Variants in CCDC30 observed in about 807,000 individuals in gnomAD.
CCDC30 encodes the protein coiled-coil domain-containing protein 30.
In CCDC30, 70 loss-of-function variants were observed where a neutral mutation model predicts 100.2. The ratio of observed to expected loss-of-function variants is 0.70; its 90% CI spans 0.58 to 0.85. CCDC30 has a LOEUF of 0.85. Among genes scored for constraint, CCDC30 ranks in the 40% least tolerant of loss-of-function variants. CCDC30 has a pLI of 0.00. For missense variants in CCDC30, 652 were observed against 771.2 expected, an observed-to-expected ratio of 0.85 and a Z score of 1.83; for synonymous variants, 233 against 269.5, an observed-to-expected ratio of 0.86 and a Z score of 1.33.
At chr1:42,517,405 A>G (rs762247966) in intron 6 of CCDC30, among the ~76,000 whole-genome samples, 1 of 152,152 alleles carries the variant, frequency 6.6e-6, no homozygotes, top group Non-Finnish European at 1.5e-5. Context: ...TCCATATTCA[A>G]AAGTTTTTAG....
chr1:42,456,708 C>T, the CCDC30 span: 1 of 1,608,650 alleles, frequency 6.2e-7, no homozygotes, highest in East Asian at 2.2e-5. Context: ...ACCAAGGTCC[C>T]ACTGGAAGCG....
the CCDC30 span, among the ~76,000 whole-genome samples, chr1:42,457,746 A>C: frequency 2.6e-5 from 4 of 152,144 alleles, no homozygotes; most frequent in African/African-American, 7.2e-5. Context: ...TGAGGTCAGG[A>C]GTTCGAGACC....
chr1:42,654,927 G>A (rs1265942700), downstream of CCDC30, among the ~76,000 whole-genome samples: 1 of 151,388 alleles, frequency 6.6e-6, no homozygotes, highest in Non-Finnish European at 1.5e-5. Flanking sequence ...TGGCCATGCT[G>A]GTCTTGAACT....
chr1:42,505,198 GT>G (rs955130978), intron 6 of CCDC30, among the ~76,000 whole-genome samples: 5 of 149,708 alleles, frequency 3.3e-5, no homozygotes, highest in African/African-American at 9.7e-5. Context: ...AAGTTCCTTG[GT>G]TTTATTTTCC....
At chr1:42,572,784 T>A (rs11210674) in intron 7 of CCDC30, among the ~76,000 whole-genome samples, 1 of 151,908 alleles carries the variant, frequency 6.6e-6, no homozygotes, top group African/African-American at 2.4e-5. Flanking sequence ...GCCTGGCTAA[T>A]TTTTTTGTAC....
chr1:42,464,289 T>C (rs560977552), intron 1 of CCDC30: 2 of 152,244 alleles, frequency 1.3e-5, no homozygotes, highest in African/African-American at 2.4e-5. Context: ...AATTGCAGTA[T>C]TGGACCCATT....
At chr1:42,563,914 A>T (rs1238222734) in intron 6 of CCDC30, among the ~76,000 whole-genome samples, 3 of 152,070 alleles carry the variant, frequency 2.0e-5, no homozygotes, top group African/African-American at 7.2e-5. Flanking sequence ...TAATTACATT[A>T]TAACCCATTG....
At chr1:42,529,211 C>T (rs1268440516) in intron 6 of CCDC30, among the ~76,000 whole-genome samples, 3 of 152,154 alleles carry the variant, frequency 2.0e-5, no homozygotes, top group South Asian at 2.1e-4. Context: ...CGGTGGCTCA[C>T]GCCTGTAATC....
chr1:42,605,385 T>G (rs1386662441), intron 10 of CCDC30, among the ~76,000 whole-genome samples: 1 of 152,208 alleles, frequency 6.6e-6, no homozygotes, highest in Non-Finnish European at 1.5e-5. Context: ...TTTGGATGCC[T>G]TTTTCTCCCT....
intron 10 of CCDC30, among the ~76,000 whole-genome samples, chr1:42,598,187 C>T (rs1449592848): frequency 6.6e-6 from 1 of 151,318 alleles, no homozygotes. Context: ...AAAAAATTAC[C>T]AACCTAGAAT....
At chr1:42,589,598 G>C in intron 10 of CCDC30, 115 bp downstream of exon 14, 1 of 891,060 alleles carries the variant, frequency 1.1e-6, no homozygotes, top group Non-Finnish European at 1.8e-6. Context: ...GGTTCAGTCA[G>C]GAAAGTAGAA....
intron 3 of CCDC30, among the ~76,000 whole-genome samples, chr1:42,483,883 T>A (rs1242661058): frequency 6.6e-6 from 1 of 152,124 alleles, no homozygotes; most frequent in Non-Finnish European, 1.5e-5. Context: ...TTTTCTTCAC[T>A]ACAAGGTTAT....
intron 1 of CCDC30, chr1:42,464,310 A>G (rs1167271004): frequency 6.6e-6 from 1 of 152,242 alleles, no homozygotes; most frequent in Admixed American, 6.5e-5. Flanking sequence ...TCAGGCTTAC[A>G]TAATGAAAGA....
At chr1:42,486,919 T>G (rs1644060244) in intron 3 of CCDC30, among the ~76,000 whole-genome samples, 1 of 152,108 alleles carries the variant, frequency 6.6e-6, no homozygotes, top group Admixed American at 6.6e-5. Flanking sequence ...AAAGATCATA[T>G]ATTGTGTGAT....
Position 42,536,614 on chromosome 1 carries a change from A to G in CCDC30, c.457-29682A>G, listed in dbSNP as rs1211525935. On this transcript the variant is annotated intron_variant, in intron 6 of 16. Coordinates refer to ENST00000668663, the Ensembl canonical transcript of CCDC30. ...AGTTGAAAGTGAGGTATTACCATTC[A>G]GGAAGCTGTTTTCTTCTTCTTGTAG... The G allele has an allele frequency of 6.5e-7, 1 of 1,534,354 alleles. No homozygotes were observed. Among genetic ancestry groups the G allele is most frequent in the East Asian group, 2.3e-5 (1 of 44,426 alleles).
intron 6 of CCDC30, among the ~76,000 whole-genome samples, chr1:42,553,528 C>T (rs1015451423): frequency 6.6e-6 from 1 of 151,938 alleles, no homozygotes; most frequent in Non-Finnish European, 1.5e-5. Flanking sequence ...CAGTGGCTTA[C>T]ACCTGTAATC....
chr1:42,467,267 G>A (rs762041356), intron 1 of CCDC30, among the ~76,000 whole-genome samples: 3 of 152,198 alleles, frequency 2.0e-5, no homozygotes, highest in Non-Finnish European at 4.4e-5. Context: ...GGATCAGTCT[G>A]GAGTTTTGCT....
At chr1:42,526,344 T>G (rs575237698) in intron 6 of CCDC30, among the ~76,000 whole-genome samples, 18 of 152,296 alleles carry the variant, frequency 1.2e-4, no homozygotes, top group Admixed American at 1.1e-3. Context: ...GGCCCTTTTT[T>G]TCTTTTTCCA....
intron 11 of CCDC30, among the ~76,000 whole-genome samples, chr1:42,635,009 T>C (rs1351262521): frequency 6.6e-6 from 1 of 152,172 alleles, no homozygotes; most frequent in Non-Finnish European, 1.5e-5. Context: ...GTATCAGTAC[T>C]TCCTTTCTTT....
Sources: allele counts gnomAD v4.1 joint callset (sites outside exome capture counted in the v4.1 genomes callset), GRCh38; gene constraint gnomAD v4.1.1; transcripts MANE v1.5; gene names NCBI Gene and HGNC (gene_info 2026-07-23, HGNC 2026-07-21).